SUMF1: variants seen among roughly 807,000 people sequenced by gnomAD.
SUMF1 encodes the protein formylglycine-generating enzyme.
A neutral mutation model predicts 47.6 loss-of-function variants in SUMF1; 48 were observed. The ratio of observed to expected loss-of-function variants is 1.01; its 90% CI spans 0.80 to 1.28. SUMF1 has a LOEUF of 1.28. Among genes scored for constraint, SUMF1 ranks in the 50% most tolerant of loss-of-function variants. The pLI is 0.00. For synonymous variants in SUMF1, 230 were observed against 192.1 expected, an observed-to-expected ratio of 1.20 and a Z score of -1.63; for missense variants, 571 against 485.4, an observed-to-expected ratio of 1.18 and a Z score of -1.66.
intron 8 of SUMF1, among the ~76,000 whole-genome samples, chr3:4,099,716 T>C (rs943861590): frequency 1.3e-5 from 2 of 151,912 alleles, no homozygotes; most frequent in Non-Finnish European, 2.9e-5. Context: ...TCCTAAAGAC[T>C]CCACACCCAA....
At chr3:4,092,530 C>G (rs1692810082) in intron 8 of SUMF1, among the ~76,000 whole-genome samples, 1 of 152,070 alleles carries the variant, frequency 6.6e-6, no homozygotes, top group Non-Finnish European at 1.5e-5. Context: ...TAAGCCTTTC[C>G]TAAGTGAAGA....
chr3:4,180,318 G>C (rs1413574696), intron 8 of SUMF1, among the ~76,000 whole-genome samples: 1 of 152,114 alleles, frequency 6.6e-6, no homozygotes, highest in African/African-American at 2.4e-5. Context: ...TGATAGACTG[G>C]ATTAAGAAAA....
Position 4,376,406 on chromosome 3 carries a change from A to G in SUMF1, c.955-17T>C, listed in dbSNP as rs374945651. On this transcript the variant is annotated splice_polypyrimidine_tract_variant and intron_variant, in intron 7 of 8. Transcript: ENST00000272902. Reference sequence around the variant, plus strand: ...GGGACCTTTCTACAGATGAAGAAAAAAGGCTATGTTAGACCAGAAGGCAAA... The same window carrying G: ...GGGACCTTTCTACAGATGAAGAAAAGAGGCTATGTTAGACCAGAAGGCAAA... The G allele has an allele frequency of 1.2e-6, 2 of 1,613,970 alleles. No homozygotes were observed. Among genetic ancestry groups the G allele is most frequent in the African/African-American group, 2.7e-5 (2 of 75,036 alleles).
intron 8 of SUMF1, among the ~76,000 whole-genome samples, chr3:4,180,723 C>T (rs1695078110): frequency 7.2e-5 from 7 of 97,202 alleles, no homozygotes; most frequent in Admixed American, 5.2e-4. Context: ...CATGGTGGCG[C>T]ACTCCTATGG....
chr3:4,121,343 A>C (rs1693535891), intron 8 of SUMF1, among the ~76,000 whole-genome samples: 1 of 152,236 alleles, frequency 6.6e-6, no homozygotes, highest in South Asian at 2.1e-4. Flanking sequence ...AAGATATATT[A>C]TCTTTACTAT....
At chr3:4,119,809 G>A (rs1244385256) in intron 8 of SUMF1, among the ~76,000 whole-genome samples, 1 of 151,994 alleles carries the variant, frequency 6.6e-6, no homozygotes, top group Non-Finnish European at 1.5e-5. Context: ...CAGAGTACAG[G>A]CACATGCAGG....
intron 8 of SUMF1, among the ~76,000 whole-genome samples, chr3:4,265,381 A>G (rs1315093997): frequency 1.3e-5 from 2 of 152,138 alleles, no homozygotes; most frequent in African/African-American, 2.4e-5. Context: ...TTACAACAGT[A>G]ATTTCAAGTG....
At chr3:4,176,982 G>C (rs1574953040) in intron 8 of SUMF1, among the ~76,000 whole-genome samples, 1 of 152,160 alleles carries the variant, frequency 6.6e-6, no homozygotes, top group Non-Finnish European at 1.5e-5. Context: ...TCAACAAGAA[G>C]AGCTAACTAT....
chr3:4,201,058 T>G (rs995874250), intron 8 of SUMF1, among the ~76,000 whole-genome samples: 11 of 152,116 alleles, frequency 7.2e-5, no homozygotes, highest in Non-Finnish European at 1.0e-4. Context: ...TATATTGGTA[T>G]AGGCATACAA....
chr3:4,158,125 G>A (rs1376243081), intron 8 of SUMF1, among the ~76,000 whole-genome samples: 1 of 151,580 alleles, frequency 6.6e-6, no homozygotes, highest in Non-Finnish European at 1.5e-5. Context: ...CAATTACCAA[G>A]AGGCCACAAA....
At chr3:4,291,458 TACC>T (rs1311548246) in intron 8 of SUMF1, among the ~76,000 whole-genome samples, 1 of 152,198 alleles carries the variant, frequency 6.6e-6, no homozygotes, top group African/African-American at 2.4e-5. Flanking sequence ...TCCTTCTTTT[TACC>T]ACTTTATTTC....
intron 8 of SUMF1, among the ~76,000 whole-genome samples, chr3:4,337,436 T>C (rs748428784): frequency 1.3e-5 from 2 of 152,190 alleles, no homozygotes; most frequent in South Asian, 2.1e-4. Context: ...ATCTCTACCA[T>C]GTATCACTTT....
At chr3:4,427,056 G>C (rs1422858976) in intron 3 of SUMF1, among the ~76,000 whole-genome samples, 1 of 152,130 alleles carries the variant, frequency 6.6e-6, no homozygotes, top group East Asian at 1.9e-4. Flanking sequence ...TTAAAGAAAA[G>C]GAAACAAGAC....
intron 6 of SUMF1, among the ~76,000 whole-genome samples, chr3:4,413,385 A>G (rs1437946335): frequency 6.6e-6 from 1 of 152,160 alleles, no homozygotes; most frequent in Non-Finnish European, 1.5e-5. Context: ...TGGGAAAAAT[A>G]ATAGTACCTA....
intron 8 of SUMF1, among the ~76,000 whole-genome samples, chr3:4,109,407 A>G (rs1272403816): frequency 6.6e-6 from 1 of 151,942 alleles, no homozygotes; most frequent in Non-Finnish European, 1.5e-5. Context: ...TGTGTCTTGG[A>G]GTTGCTCTTC....
chr3:4,399,317 C>T (rs1701134481), intron 7 of SUMF1, among the ~76,000 whole-genome samples: 1 of 152,042 alleles, frequency 6.6e-6, no homozygotes, highest in Non-Finnish European at 1.5e-5. Flanking sequence ...ACATTTCACC[C>T]TAAAAATCTA....
At chr3:4,384,373 C>G (rs78098984) in intron 7 of SUMF1, among the ~76,000 whole-genome samples, 3,695 of 152,274 alleles carry the variant, frequency 0.024, 145 homozygotes, top group African/African-American at 0.084. Flanking sequence ...AAACTCTGTA[C>G]TGTATCTCAA....
At chr3:4,334,050 C>G (rs1699099296) in intron 8 of SUMF1, among the ~76,000 whole-genome samples, 1 of 151,838 alleles carries the variant, frequency 6.6e-6, no homozygotes, top group Non-Finnish European at 1.5e-5. Flanking sequence ...ATCACTTGAG[C>G]CCAGAAGAGC....
chr3:4,156,870 G>A (rs891123249), intron 8 of SUMF1, among the ~76,000 whole-genome samples: 1 of 151,602 alleles, frequency 6.6e-6, no homozygotes, highest in African/African-American at 2.4e-5. Flanking sequence ...GTTCCCAGTT[G>A]ACTAAGTGCA....
Sources: gnomAD v4.1 joint callset for allele counts (sites outside exome capture counted in the v4.1 genomes callset) on GRCh38, gnomAD v4.1.1 for gene constraint, MANE v1.5 for transcripts, NCBI Gene and HGNC (gene_info 2026-07-23, HGNC 2026-07-21) for gene names.